Variants in SPAG16 observed in about 807,000 individuals in gnomAD.
The protein encoded by SPAG16 is sperm-associated antigen 16 protein.
In SPAG16, 86 loss-of-function variants were observed where a neutral mutation model predicts 80.4. The ratio of observed to expected loss-of-function variants is 1.07; its 90% CI spans 0.90 to 1.28. The LOEUF (loss-of-function observed/expected upper bound fraction) is 1.28, where lower values mean the gene tolerates loss of function less well. SPAG16 is among the 50% of genes most tolerant of loss of function. The pLI is 0.00. For synonymous variants in SPAG16, 294 were observed against 265.9 expected, an observed-to-expected ratio of 1.11 and a Z score of -1.03; for missense variants, 870 against 765.3, an observed-to-expected ratio of 1.14 and a Z score of -1.61.
At chr2:214,067,713 G>C (rs921826150) in intron 13 of SPAG16, among the ~76,000 whole-genome samples, 10 of 151,744 alleles carry the variant, frequency 6.6e-5, no homozygotes, top group Non-Finnish European at 1.5e-4. Flanking sequence ...ATACATCCGG[G>C]TCTTTTCAAG....
At chr2:213,448,250 TACA>T (rs2071465461) in intron 9 of SPAG16, among the ~76,000 whole-genome samples, 1 of 152,252 alleles carries the variant, frequency 6.6e-6, no homozygotes, top group Non-Finnish European at 1.5e-5. Flanking sequence ...ACCATATTCC[TACA>T]ACGAGACTAA....
intron 12 of SPAG16, among the ~76,000 whole-genome samples, chr2:214,005,119 CT>C (rs1449351454): frequency 6.6e-6 from 1 of 152,060 alleles, no homozygotes; most frequent in Non-Finnish European, 1.5e-5. Flanking sequence ...ATTTGGTCTT[CT>C]TTTTGTTTTA....
intron 15 of SPAG16, among the ~76,000 whole-genome samples, chr2:214,403,124 C>T (rs981489787): frequency 2.2e-4 from 33 of 151,088 alleles, no homozygotes; most frequent in African/African-American, 8.0e-4. Context: ...ACCTCAAATC[C>T]GGATGCCATC....
intron 12 of SPAG16, among the ~76,000 whole-genome samples, chr2:213,960,094 G>A (rs926294806): frequency 1.2e-4 from 18 of 151,914 alleles, no homozygotes; most frequent in African/African-American, 4.1e-4. Context: ...TCTATTTCAA[G>A]TTTTATAATT....
chr2:213,968,176 T>C (rs200010471), intron 12 of SPAG16, among the ~76,000 whole-genome samples: 3 of 116,730 alleles, frequency 2.6e-5, no homozygotes, highest in South Asian at 3.3e-4. Context: ...CTCATCTCTT[T>C]TCTTTTCTTT....
At chr2:214,007,808 C>G (rs2047095565) in intron 12 of SPAG16, among the ~76,000 whole-genome samples, 1 of 152,048 alleles carries the variant, frequency 6.6e-6, no homozygotes, top group African/African-American at 2.4e-5. Context: ...TGCATTCTTT[C>G]TGTTGTTAAG....
rs116242474 is a variant in SPAG16 at position 213,748,631 on chromosome 2, T to C, written c.1071-113854T>C. ...TAACATATAAATAAGAAAGGAAATC[T>C]GAAAGTAAGCGTAAGGACTATTATA... On this transcript the variant is annotated intron_variant, in intron 10 of 15. Coordinates refer to ENST00000331683, the MANE Select transcript of SPAG16 (RefSeq NM_024532.5). Among the ~76,000 whole-genome samples the C allele has an allele frequency of 4.0e-3, 616 of 152,312 alleles. 6 individuals carry two copies. The highest frequency in any genetic ancestry group is 0.014 in the African/African-American group (598 of 41,576).
intron 15 of SPAG16, among the ~76,000 whole-genome samples, chr2:214,178,964 C>T (rs944909783): frequency 1.1e-4 from 16 of 151,256 alleles, no homozygotes; most frequent in Admixed American, 3.3e-4. Context: ...TTTCTTTTGA[C>T]GTATGAACAT....
At chr2:214,376,358 G>A (rs1700130456) in intron 15 of SPAG16, among the ~76,000 whole-genome samples, 6 of 151,988 alleles carry the variant, frequency 3.9e-5, no homozygotes. Context: ...GTAAACATTG[G>A]TTAAATAAAT....
chr2:213,937,251 G>A (rs2079028547), intron 12 of SPAG16, among the ~76,000 whole-genome samples: 1 of 151,958 alleles, frequency 6.6e-6, no homozygotes, highest in Non-Finnish European at 1.5e-5. Context: ...ATATTAATGG[G>A]TTTAAAACAC....
At chr2:214,150,768 T>C (rs547879681) in intron 15 of SPAG16, among the ~76,000 whole-genome samples, 1 of 152,216 alleles carries the variant, frequency 6.6e-6, no homozygotes, top group East Asian at 1.9e-4. Context: ...TCATTAAATA[T>C]GTTGCCACTT....
chr2:214,345,221 A>G (rs1697978629), intron 15 of SPAG16, among the ~76,000 whole-genome samples: 1 of 151,990 alleles, frequency 6.6e-6, no homozygotes, highest in Non-Finnish European at 1.5e-5. Context: ...GGATTTTGAC[A>G]GCTTTTTGCA....
chr2:213,349,480 G>A (rs75247558), intron 6 of SPAG16, among the ~76,000 whole-genome samples: 3,628 of 152,156 alleles, frequency 0.024, 60 homozygotes, highest in African/African-American at 0.039. Context: ...AGGGTACCCA[G>A]GACTGTCATA....
intron 10 of SPAG16, among the ~76,000 whole-genome samples, chr2:213,860,460 C>CATACATCTATATAT (rs1559529508): frequency 7.6e-6 from 1 of 131,598 alleles, no homozygotes; most frequent in Non-Finnish European, 1.6e-5. Flanking sequence ...TATATATATA[C>CATACATCTATATAT]AGATATATCT....
intron 15 of SPAG16, among the ~76,000 whole-genome samples, chr2:214,345,032 A>G (rs1289974169): frequency 2.0e-5 from 3 of 152,114 alleles, no homozygotes; most frequent in Non-Finnish European, 4.4e-5. Context: ...AGGCCACACA[A>G]TATGATGGGA....
At chr2:214,268,468 C>A (rs891145638) in intron 15 of SPAG16, among the ~76,000 whole-genome samples, 2 of 151,764 alleles carry the variant, frequency 1.3e-5, no homozygotes, top group Non-Finnish European at 2.9e-5. Flanking sequence ...ACTATTCAGC[C>A]TTAAAAAAGT....
At chr2:213,585,784 C>A (rs929007948) in intron 10 of SPAG16, among the ~76,000 whole-genome samples, 2 of 152,128 alleles carry the variant, frequency 1.3e-5, no homozygotes, top group Non-Finnish European at 2.9e-5. Context: ...TTTGTAAACA[C>A]TTATATTTGC....
intron 15 of SPAG16, among the ~76,000 whole-genome samples, chr2:214,327,953 T>C (rs538281177): frequency 1.3e-5 from 2 of 152,294 alleles, no homozygotes; most frequent in Admixed American, 1.3e-4. Context: ...GGGTGGGTTA[T>C]GAAATCATGA....
At chr2:214,151,885 TC>T (rs1460636864) in intron 15 of SPAG16, among the ~76,000 whole-genome samples, 1 of 152,210 alleles carries the variant, frequency 6.6e-6, no homozygotes, top group African/African-American at 2.4e-5. Context: ...CTGAGATATT[TC>T]ATATAAGGAA....
Sources: gnomAD v4.1 joint callset for allele counts (sites outside exome capture counted in the v4.1 genomes callset) on GRCh38, gnomAD v4.1.1 for gene constraint, MANE v1.5 for transcripts, NCBI Gene and HGNC (gene_info 2026-07-23, HGNC 2026-07-21) for gene names.